CCT2: variants seen among roughly 807,000 people sequenced by gnomAD.
CCT2 encodes T-complex protein 1 subunit beta.
A neutral mutation model predicts 61.8 loss-of-function variants in CCT2; 18 were observed. That is an observed-to-expected ratio of 0.29 (90% CI 0.20 to 0.43). The LOEUF (loss-of-function observed/expected upper bound fraction) is 0.43. CCT2 is among the 20% of genes least tolerant of loss of function. CCT2 has a pLI of 1.00. For missense variants in CCT2, 556 were observed against 656.9 expected, an observed-to-expected ratio of 0.85 and a Z score of 1.68; for synonymous variants, 248 against 215.9, an observed-to-expected ratio of 1.15 and a Z score of -1.30.
intron 3 of CCT2, chr12:69,587,090 CAT>C (rs1354730043): frequency 2.8e-6 from 1 of 363,092 alleles, no homozygotes; most frequent in Non-Finnish European, 4.9e-6. Context: ...ATTTTATACT[CAT>C]GTAACATACT....
chr12:69,597,318 G>T, intron 11 of CCT2, 43 bp downstream of exon 11: 1 of 1,607,476 alleles, frequency 6.2e-7, no homozygotes, highest in African/African-American at 1.3e-5. Context: ...CTAAATTCTT[G>T]CTAGGCTCTG....
At chr12:69,597,371 C>T (rs1040049080) in intron 11 of CCT2, 96 bp downstream of exon 11, 14 of 1,388,548 alleles carry the variant, frequency 1.0e-5, no homozygotes, top group Non-Finnish European at 1.4e-5. Flanking sequence ...GCATATCTTA[C>T]AAGTCTTAAC....
intron 2 of CCT2, 84 bp from the exon 3 acceptor site, chr12:69,586,669 A>G: frequency 8.2e-6 from 6 of 732,566 alleles, no homozygotes; most frequent in Non-Finnish European, 1.2e-5. Context: ...CTCTGCCTCA[A>G]AAAAAAAAAA....
rs1209048735 is a variant in CCT2, at chr12:69,593,603, T to C, written c.972T>C (p.Ala324=). Residue 324 remains alanine, a synonymous_variant, in exon 10 of 16, where the codon GCT becomes GCC. Transcript: ENST00000299300. Reference sequence around the variant, plus strand: ...ATTTTGCAGGTGTGGAACGCCTAGCTCTTGTCACAGGTATGGAAAAAAGGT... The same window carrying C: ...ATTTTGCAGGTGTGGAACGCCTAGCCCTTGTCACAGGTATGGAAAAAAGGT... ...HADFAGVERL[A]LVTGGEIAST... 2.5e-6 allele frequency: 4 copies of C among 1,602,150 alleles called. No homozygotes were observed. The highest frequency in any genetic ancestry group is 3.4e-6 in the Non-Finnish European group (4 of 1,169,610).
chr12:69,601,150 G>GT (rs1441780467), intron 15 of CCT2, 145 bp from the exon 16 acceptor site: 2 of 654,842 alleles, frequency 3.1e-6, no homozygotes, highest in Admixed American at 6.7e-5. Flanking sequence ...TTCAATGTGA[G>GT]TGTTATAGGG....
intron 7 of CCT2, among the ~76,000 whole-genome samples, chr12:69,589,922 GTC>G (rs1194585919): frequency 3.3e-5 from 5 of 152,302 alleles, no homozygotes; most frequent in African/African-American, 1.2e-4. Context: ...GTTATTTGCA[GTC>G]TCTGATAAAG....
Position 69,586,777 on chromosome 12 carries a change from AT to A in CCT2, c.105del (p.Ile35MetfsTer5). ...RLTSFIGAIA[I>X]GDLVKSTLGP... ...GACTTCTTTTATTGGTGCCATCGCC[AT>A]TGGAGACTTGGTAAAGAGCACCTTG... On this transcript the variant is annotated frameshift_variant, in exon 3 of 16. Transcript: ENST00000299300. LOFTEE classifies it high-confidence loss of function. 1 of 1,601,896 alleles carries A rather than the reference AT, an allele frequency of 6.2e-7. No individual in the cohort carries two copies. Among genetic ancestry groups the A allele is most frequent in the Non-Finnish European group, 8.5e-7 (1 of 1,175,738 alleles).
intron 14 of CCT2, 52 bp downstream of exon 14, chr12:69,598,473 C>A: frequency 1.7e-6 from 2 of 1,143,588 alleles, no homozygotes; most frequent in African/African-American, 1.6e-5. Flanking sequence ...ACTCTTTTCA[C>A]TAAGCTTTTT....
chr12:69,593,895 T>A (rs1234914726), intron 10 of CCT2, among the ~76,000 whole-genome samples: 1 of 152,088 alleles, frequency 6.6e-6, no homozygotes, highest in Non-Finnish European at 1.5e-5. Flanking sequence ...CCCAGCACTT[T>A]GGGAGGCCGA....
At chr12:69,586,658 ACT>A (rs1881671618) in intron 2 of CCT2, 93 bp from the exon 3 acceptor site, 3 of 902,014 alleles carry the variant, frequency 3.3e-6, no homozygotes, top group South Asian at 1.6e-5. Flanking sequence ...ACAGAGCGAC[ACT>A]CTGCCTCAAA....
chr12:69,585,722 C>T, intron 1 of CCT2, 198 bp downstream of exon 1: 1 of 1,463,380 alleles, frequency 6.8e-7, no homozygotes, highest in South Asian at 1.4e-5. Context: ...GAGGGGTGGA[C>T]CGCAAAGCCA....
chr12:69,585,943 CG>C, intron 1 of CCT2: 1 of 1,279,536 alleles, frequency 7.8e-7, no homozygotes, highest in Non-Finnish European at 9.9e-7. Flanking sequence ...GCCCGGCAGG[CG>C]TCACCTTGAT....
At chr12:69,586,081 C>T in intron 1 of CCT2, 189 bp from the exon 2 acceptor site, 1 of 1,292,316 alleles carries the variant, frequency 7.7e-7, no homozygotes, top group Non-Finnish European at 1.0e-6. Flanking sequence ...AAAGCCATGT[C>T]GCTCTCCTAC....
At chr12:69,587,444 G>T in intron 3 of CCT2, 61 bp from the exon 4 acceptor site, 1 of 915,662 alleles carries the variant, frequency 1.1e-6, no homozygotes, top group South Asian at 1.4e-5. Context: ...AATACTGATT[G>T]ATCCATGCAT....
intron 8 of CCT2, 82 bp from the exon 9 acceptor site, chr12:69,592,894 C>A: frequency 7.1e-7 from 1 of 1,405,812 alleles, no homozygotes; most frequent in Non-Finnish European, 9.7e-7. Context: ...CCCCACTGCA[C>A]TCCAGCCTGG....
rs771740490 is a variant in CCT2 at position 69,589,528 on chromosome 12, G to A, written c.490G>A (p.Gly164Ser). The A allele has an allele frequency of 2.7e-5, 43 of 1,613,946 alleles. No homozygotes were observed. In the Middle Eastern group the frequency reaches 9.9e-4, roughly 37 times the overall value. Residue 164 changes from glycine to serine, a missense_variant, in exon 7 of 16, where the codon GGC becomes AGC. Physicochemically the swap from Gly to Ser is moderately conservative, Grantham distance 56 (BLOSUM62 0). Around this residue, in one of 3 missense-constraint regions of CCT2, gnomAD observed 308 missense variants for 350.6 expected, o/e 0.88. Coordinates refer to ENST00000299300, the MANE Select transcript of CCT2 (RefSeq NM_006431.3). ...CCGTCAAGATTTAATGAATATTGCG[G>A]GCACAACATTATCCTCAAAACTTCT... ...KFRQDLMNIA[G>S]TTLSSKLLTH...
At chr12:69,594,935 G>A (rs182839238) in intron 10 of CCT2, among the ~76,000 whole-genome samples, 2 of 152,144 alleles carry the variant, frequency 1.3e-5, no homozygotes, top group African/African-American at 4.8e-5. Flanking sequence ...CAGATTTAGG[G>A]ATATAAGTAT....
At chr12:69,590,060 C>T (rs188012916) in intron 7 of CCT2, among the ~76,000 whole-genome samples, 1 of 152,336 alleles carries the variant, frequency 6.6e-6, no homozygotes, top group African/African-American at 2.4e-5. Flanking sequence ...TGAGGATGTA[C>T]AGTTGACCAT....
Position 69,599,810 on chromosome 12 carries a change from G to A in CCT2, c.1436-53G>A, listed in dbSNP as rs562368174. The A allele has an allele frequency of 9.0e-6, 13 of 1,436,814 alleles. No individual in the cohort carries two copies. The Admixed American group carries it at 9.5e-5, about 11-fold the overall frequency. 89.0% of individuals were successfully genotyped at this position (1,436,814 alleles called of 1,614,324 possible). A position where few individuals can be genotyped will look rare whatever the true frequency, so the allele number is the denominator to read the frequency against. On this transcript the variant is annotated intron_variant, in intron 14 of 15. Coordinates refer to ENST00000299300, the MANE Select transcript of CCT2 (RefSeq NM_006431.3). Reference sequence around the variant, plus strand: ...ATTTTTATTATAAATCATTAGAGATGTTTTGATACTTTAGTTAAAACTGCT... The same window carrying A: ...ATTTTTATTATAAATCATTAGAGATATTTTGATACTTTAGTTAAAACTGCT...
Sources: gnomAD v4.1 joint callset for allele counts (sites outside exome capture counted in the v4.1 genomes callset) on GRCh38, gnomAD v4.1.1 for gene constraint, gnomAD v4.1.1 regional missense constraint, MANE v1.5 for transcripts, NCBI Gene and HGNC (gene_info 2026-07-23, HGNC 2026-07-21) for gene names.